Variants in C10orf90 observed in about 807,000 individuals in gnomAD.
C10orf90 encodes chromosome 10 open reading frame 90.
C10orf90 carries 56 observed loss-of-function variants against 62.5 expected under a neutral mutation model. The observed-to-expected ratio is 0.90, with a 90% CI of 0.72 to 1.12. The LOEUF (loss-of-function observed/expected upper bound fraction) is 1.12. Ranked by LOEUF, C10orf90 falls within the 50% of genes most tolerant of loss-of-function variation. The pLI is 0.00. For synonymous variants in C10orf90, 386 were observed against 340.4 expected (o/e 1.13, Z -1.47); for missense variants, 970 against 880.4 (o/e 1.10, Z -1.29).
intron 1 of C10orf90, among the ~76,000 whole-genome samples, chr10:126,665,092 G>A (rs1846599352): frequency 6.6e-6 from 1 of 152,178 alleles, no homozygotes; most frequent in East Asian, 1.9e-4. Context: ...AGTGAGGCAG[G>A]GGCTCCCAGC....
At chr10:126,500,922 C>T (rs1240833548) in intron 4 of C10orf90, among the ~76,000 whole-genome samples, 1 of 152,178 alleles carries the variant, frequency 6.6e-6, no homozygotes, top group African/African-American at 2.4e-5. Flanking sequence ...TAGAATTGCC[C>T]AGGCTGTACC....
intron 2 of C10orf90, among the ~76,000 whole-genome samples, chr10:126,601,048 A>G (rs1231974087): frequency 6.6e-6 from 1 of 152,240 alleles, no homozygotes; most frequent in Non-Finnish European, 1.5e-5. Context: ...ATTTGCTACA[A>G]CACAGACAGG....
At chr10:126,446,501 A>G (rs1858791739) in intron 7 of C10orf90, among the ~76,000 whole-genome samples, 1 of 152,174 alleles carries the variant, frequency 6.6e-6, no homozygotes, top group South Asian at 2.1e-4. Flanking sequence ...CTGGGGGGAA[A>G]AAAATCTGTC....
At chr10:126,554,267 C>T (rs1457453210) in intron 2 of C10orf90, among the ~76,000 whole-genome samples, 1 of 152,172 alleles carries the variant, frequency 6.6e-6, no homozygotes, top group Non-Finnish European at 1.5e-5. Context: ...AGAAGCCAGA[C>T]CCCAGAGCAT....
At chr10:126,656,954 T>A (rs1288004968) in intron 1 of C10orf90, among the ~76,000 whole-genome samples, 1 of 152,222 alleles carries the variant, frequency 6.6e-6, no homozygotes, top group Non-Finnish European at 1.5e-5. Flanking sequence ...GACATGCACC[T>A]GACCTCAGGG....
chr10:126,610,261 G>C (rs1219105361), intron 2 of C10orf90, among the ~76,000 whole-genome samples: 1 of 152,198 alleles, frequency 6.6e-6, no homozygotes, highest in Non-Finnish European at 1.5e-5. Flanking sequence ...CCCTGGCTCT[G>C]CCTGGTGGGC....
intron 2 of C10orf90, among the ~76,000 whole-genome samples, chr10:126,529,539 G>A (rs1229012404): frequency 6.6e-6 from 1 of 151,714 alleles, no homozygotes; most frequent in African/African-American, 2.4e-5. Flanking sequence ...AGAAAGAACA[G>A]CAACTCAATG....
At chr10:126,524,208 A>C (rs1863864894) in intron 2 of C10orf90, among the ~76,000 whole-genome samples, 1 of 152,190 alleles carries the variant, frequency 6.6e-6, no homozygotes, top group Non-Finnish European at 1.5e-5. Context: ...TTTTGGTAGT[A>C]ATCTTAAAAC....
chr10:126,561,704 G>A (rs1301110633), intron 2 of C10orf90, among the ~76,000 whole-genome samples: 1 of 152,070 alleles, frequency 6.6e-6, no homozygotes, highest in Non-Finnish European at 1.5e-5. Context: ...CAGAAACAAT[G>A]ACTGCATTCC....
chr10:126,655,679 G>T (rs1390756042), intron 1 of C10orf90, among the ~76,000 whole-genome samples: 7 of 152,074 alleles, frequency 4.6e-5, no homozygotes, highest in African/African-American at 1.7e-4. Flanking sequence ...TTAGAGTCCT[G>T]AACAGTTTGA....
intron 2 of C10orf90, among the ~76,000 whole-genome samples, chr10:126,583,622 A>T (rs1383339191): frequency 6.6e-6 from 1 of 152,144 alleles, no homozygotes; most frequent in Non-Finnish European, 1.5e-5. Context: ...ATTTGGAAGG[A>T]GTCTGGGACT....
intron 7 of C10orf90, among the ~76,000 whole-genome samples, chr10:126,441,949 A>G (rs1313884967): frequency 1.3e-5 from 2 of 152,184 alleles, no homozygotes; most frequent in Non-Finnish European, 2.9e-5. Context: ...TAAATCTCAC[A>G]GGACCTATAC....
intron 2 of C10orf90, among the ~76,000 whole-genome samples, chr10:126,556,801 C>T (rs1864783389): frequency 6.6e-6 from 1 of 151,932 alleles, no homozygotes; most frequent in Non-Finnish European, 1.5e-5. Flanking sequence ...GAGAGAGTTC[C>T]TGTAGACATC....
intron 2 of C10orf90, among the ~76,000 whole-genome samples, chr10:126,550,173 C>T (rs1404345307): frequency 1.3e-5 from 2 of 151,870 alleles, no homozygotes; most frequent in African/African-American, 4.8e-5. Context: ...CCAGGCTGGT[C>T]TCGAACTCCT....
chr10:126,455,238 C>T lies in C10orf90; in HGVS notation c.2188+3802G>A, dbSNP rs11244988. Among the ~76,000 whole-genome samples the T allele has an allele frequency of 6.4e-4, 97 of 152,256 alleles. 2 individuals carry two copies. The East Asian group carries it at 0.012, about 19-fold the overall frequency. ...CTCCTCTTTGGCCCCTTTGCCTCCC[C>T]GCCCATCCCCATTTTACCATCCAAT... On this transcript the variant is annotated intron_variant, in intron 7 of 9. Transcript: ENST00000488181.
chr10:126,426,463 G>A (rs1357412274), intron 8 of C10orf90, among the ~76,000 whole-genome samples: 1 of 152,230 alleles, frequency 6.6e-6, no homozygotes, highest in Non-Finnish European at 1.5e-5. Context: ...CATTCTGATT[G>A]TAAACTTGTT....
At chr10:126,434,246 C>T (rs1340473692) in intron 7 of C10orf90, among the ~76,000 whole-genome samples, 2 of 152,124 alleles carry the variant, frequency 1.3e-5, no homozygotes, top group African/African-American at 4.8e-5. Context: ...CCTCATATCA[C>T]CTCTGTGCAC....
chr10:126,527,818 G>T (rs187904491), intron 2 of C10orf90, among the ~76,000 whole-genome samples: 1 of 152,076 alleles, frequency 6.6e-6, no homozygotes, highest in African/African-American at 2.4e-5. Flanking sequence ...TTATTTATCC[G>T]GCAAATATTT....
intron 2 of C10orf90, among the ~76,000 whole-genome samples, chr10:126,569,583 G>C (rs1844463360): frequency 6.6e-6 from 1 of 152,158 alleles, no homozygotes. Context: ...ATACATTTTT[G>C]TAAAGAGATG....
Sources: allele counts gnomAD v4.1 joint callset (sites outside exome capture counted in the v4.1 genomes callset), GRCh38; gene constraint gnomAD v4.1.1; transcripts MANE v1.5; gene names NCBI Gene and HGNC (gene_info 2026-07-23, HGNC 2026-07-21).